PPM1E: variants seen among roughly 807,000 people sequenced by gnomAD.
PPM1E encodes protein phosphatase 1E.
A neutral mutation model predicts 65.9 loss-of-function variants in PPM1E; 20 were observed. The observed-to-expected ratio is 0.30, with a 90% CI of 0.21 to 0.44. PPM1E has a LOEUF of 0.44. Among genes scored for constraint, PPM1E ranks in the 20% least tolerant of loss-of-function variants. The probability of loss-of-function intolerance (pLI) is 1.00; values close to 1 mark genes in which losing one functional copy is unlikely to be tolerated. For missense variants in PPM1E, 713 were observed against 953.1 expected, an observed-to-expected ratio of 0.75 and a Z score of 3.32; for synonymous variants, 352 against 374.9, an observed-to-expected ratio of 0.94 and a Z score of 0.70.
intron 1 of PPM1E, among the ~76,000 whole-genome samples, chr17:58,758,021 T>C (rs2049785579): frequency 6.6e-6 from 1 of 152,146 alleles, no homozygotes; most frequent in African/African-American, 2.4e-5. Flanking sequence ...AAAATGGAAA[T>C]GTTTATTAAG....
chr17:58,949,802 A>G (rs1027170954), intron 1 of PPM1E, among the ~76,000 whole-genome samples: 3 of 152,128 alleles, frequency 2.0e-5, no homozygotes, highest in Non-Finnish European at 4.4e-5. Flanking sequence ...ACTAGTGGTG[A>G]TGAATTCTCT....
At chr17:58,862,271 A>G (rs545332776) in intron 1 of PPM1E, among the ~76,000 whole-genome samples, 5 of 152,330 alleles carry the variant, frequency 3.3e-5, no homozygotes, top group South Asian at 2.1e-4. Context: ...AATTTTGCCA[A>G]TTTAGTTTTG....
At chr17:58,778,074 C>T (rs1390034132) in intron 1 of PPM1E, among the ~76,000 whole-genome samples, 4 of 151,970 alleles carry the variant, frequency 2.6e-5, no homozygotes, top group Non-Finnish European at 5.9e-5. Context: ...GCTGGGACTA[C>T]AGGTGTGTGC....
At chr17:58,771,689 C>T (rs556960246) in intron 1 of PPM1E, among the ~76,000 whole-genome samples, 2 of 87,976 alleles carry the variant, frequency 2.3e-5, no homozygotes, top group East Asian at 5.2e-4. Flanking sequence ...AGACAGTATT[C>T]TTTAAAAAAA....
chr17:58,935,378 GACAGA>G (rs2051965635), intron 1 of PPM1E, among the ~76,000 whole-genome samples: 1 of 152,168 alleles, frequency 6.6e-6, no homozygotes. Context: ...AGACTGAGAA[GACAGA>G]ACCCTGGGAG....
At chr17:58,868,507 C>A (rs987698907) in intron 1 of PPM1E, among the ~76,000 whole-genome samples, 3 of 149,208 alleles carry the variant, frequency 2.0e-5, no homozygotes, top group Non-Finnish European at 4.4e-5. Context: ...TCTTCCTTTT[C>A]TTTGGACTGT....
chr17:58,974,588 T>G (rs2143762076), intron 6 of PPM1E, among the ~76,000 whole-genome samples: 1 of 152,346 alleles, frequency 6.6e-6, no homozygotes, highest in Admixed American at 6.5e-5. Context: ...ACTTCCTGTT[T>G]TTTTAAAAAA....
chr17:58,882,570 T>G (rs1026339436), intron 1 of PPM1E, among the ~76,000 whole-genome samples: 1 of 152,042 alleles, frequency 6.6e-6, no homozygotes, highest in Non-Finnish European at 1.5e-5. Context: ...TTTGTATTTT[T>G]AGTAGAGACA....
intron 1 of PPM1E, among the ~76,000 whole-genome samples, chr17:58,789,046 T>A (rs1033307966): frequency 2.0e-5 from 3 of 152,186 alleles, no homozygotes; most frequent in Admixed American, 6.6e-5. Flanking sequence ...TAATGGCATA[T>A]CACAAAATGG....
intron 1 of PPM1E, among the ~76,000 whole-genome samples, chr17:58,811,301 G>T (rs2050365622): frequency 6.6e-6 from 1 of 152,188 alleles, no homozygotes; most frequent in South Asian, 2.1e-4. Flanking sequence ...GGAATGGACG[G>T]TGTTAAATAT....
intron 1 of PPM1E, among the ~76,000 whole-genome samples, chr17:58,760,109 CTG>C (rs1383949994): frequency 6.6e-6 from 1 of 152,176 alleles, no homozygotes; most frequent in Non-Finnish European, 1.5e-5. Context: ...CACTTCTTCT[CTG>C]TGAGCTTTTA....
chr17:58,940,199 A>G (rs2143598863), intron 1 of PPM1E, among the ~76,000 whole-genome samples: 1 of 152,190 alleles, frequency 6.6e-6, no homozygotes, highest in South Asian at 2.1e-4. Flanking sequence ...CATGTTAGTC[A>G]CTCCTAGTGA....
chr17:58,853,831 A>C (rs1284459437), intron 1 of PPM1E, among the ~76,000 whole-genome samples: 1 of 152,144 alleles, frequency 6.6e-6, no homozygotes, highest in South Asian at 2.1e-4. Context: ...ACTCTGTCCC[A>C]AAAAAAGAAA....
intron 1 of PPM1E, among the ~76,000 whole-genome samples, chr17:58,869,410 GTGCC>G (rs2051044387): frequency 6.6e-6 from 1 of 152,098 alleles, no homozygotes; most frequent in Non-Finnish European, 1.5e-5. Context: ...GAGTGGCTTG[GTGCC>G]ATCCTCACAG....
rs150938883 is a variant in PPM1E, at chr17:58,980,816, C to T, written c.2053C>T (p.Pro685Ser). 2.5e-3 allele frequency: 4,043 copies of T among 1,614,150 alleles called. 24 individuals are homozygous for T. Among genetic ancestry groups the T allele is most frequent in the Non-Finnish European group, 2.5e-3 (2,984 of 1,180,008 alleles). Reference sequence around the variant, plus strand: ...GAAGTGGCACAGATTCAGGTTTAATCCAAAGTTTTATTCATTTCTCTCTGC... The same window carrying T: ...GAAGTGGCACAGATTCAGGTTTAATTCAAAGTTTTATTCATTTCTCTCTGC... ...SKKWHRFRFN[P>S]KFYSFLSAQE... is the part of the protein sequence containing the mutation. Residue 685 changes from proline to serine, a missense_variant, in exon 7 of 7, where the codon CCA (proline) becomes TCA (serine). Physicochemically the swap from Pro to Ser is moderately conservative, Grantham distance 74. Around this residue, in one of 6 missense-constraint regions of PPM1E, gnomAD observed 286 missense variants for 313.8 expected, o/e 0.91. Coordinates refer to ENST00000308249, the MANE Select transcript of PPM1E (RefSeq NM_014906.5). This position sits in a 1 kb window ranked among gnomAD's most constrained non-coding sequence, Gnocchi z 4.7.
intron 1 of PPM1E, among the ~76,000 whole-genome samples, chr17:58,883,942 A>G (rs2051236361): frequency 1.3e-5 from 2 of 152,174 alleles, no homozygotes; most frequent in Non-Finnish European, 2.9e-5. Context: ...TTTACCAAAA[A>G]AAAATAAAAA....
intron 1 of PPM1E, among the ~76,000 whole-genome samples, chr17:58,817,876 C>A (rs1004711507): frequency 6.6e-6 from 1 of 152,064 alleles, no homozygotes; most frequent in Non-Finnish European, 1.5e-5. Flanking sequence ...CTCAGCCTCC[C>A]GAGTAGCTGG....
chr17:58,977,172 C>T (rs2031054735), intron 6 of PPM1E, among the ~76,000 whole-genome samples: 1 of 151,954 alleles, frequency 6.6e-6, no homozygotes, highest in Non-Finnish European at 1.5e-5. Context: ...GGGCTGGGCG[C>T]GGTGGCTCAC....
intron 1 of PPM1E, among the ~76,000 whole-genome samples, chr17:58,874,756 G>A (rs2051110429): frequency 6.6e-6 from 1 of 151,964 alleles, no homozygotes; most frequent in Non-Finnish European, 1.5e-5. Flanking sequence ...GAAAGTTACT[G>A]GTATATCACC....
Sources: gnomAD v4.1 joint callset for allele counts (sites outside exome capture counted in the v4.1 genomes callset) on GRCh38, gnomAD v4.1.1 for gene constraint, gnomAD v4.1.1 regional missense constraint, Gnocchi (gnomAD v3.1) non-coding constraint, MANE v1.5 for transcripts, NCBI Gene and HGNC (gene_info 2026-07-23, HGNC 2026-07-21) for gene names.